The following HEMK2 variants were observed in gnomAD, a reference collection of about 807,000 sequenced individuals.
HEMK2 encodes the protein HemK methyltransferase 2, ETF1 glutamine and histone H4 lysine.
the HEMK2 span, among the ~76,000 whole-genome samples, chr21:28,760,486 C>T: frequency 2.0e-5 from 3 of 152,158 alleles, no homozygotes; most frequent in Admixed American, 6.5e-5. Flanking sequence ...GTACCAAGGA[C>T]ATTAACACTG....
chr21:28,697,301 T>G, the HEMK2 span, among the ~76,000 whole-genome samples: 1 of 152,296 alleles, frequency 6.6e-6, no homozygotes, highest in East Asian at 1.9e-4. Context: ...CTCTCAAGTT[T>G]AAAATTCCAC....
chr21:28,652,095 C>T, the HEMK2 span, among the ~76,000 whole-genome samples: 1 of 152,124 alleles, frequency 6.6e-6, no homozygotes, highest in Non-Finnish European at 1.5e-5. Context: ...TTATTCACAC[C>T]ATATTTTTAG....
chr21:28,779,737 A>G, the HEMK2 span, among the ~76,000 whole-genome samples: 1 of 152,042 alleles, frequency 6.6e-6, no homozygotes, highest in Non-Finnish European at 1.5e-5. Context: ...CCAGTTCTCA[A>G]CTTCTCAAGC....
the HEMK2 span, among the ~76,000 whole-genome samples, chr21:28,661,983 A>G: frequency 4.6e-5 from 7 of 152,224 alleles, no homozygotes; most frequent in Admixed American, 1.3e-4. Flanking sequence ...AGAAAGTACC[A>G]TAAATAATTG....
the HEMK2 span, among the ~76,000 whole-genome samples, chr21:28,629,250 T>C: frequency 6.6e-6 from 1 of 152,202 alleles, no homozygotes; most frequent in Non-Finnish European, 1.5e-5. Context: ...AAAGTCTCAC[T>C]GGTAATTAGA....
chr21:28,647,887 AG>A, the HEMK2 span, among the ~76,000 whole-genome samples: 1 of 152,242 alleles, frequency 6.6e-6, no homozygotes, highest in South Asian at 2.1e-4. Flanking sequence ...TGATTGTAAC[AG>A]AAAGATCAAA....
the HEMK2 span, among the ~76,000 whole-genome samples, chr21:28,766,305 ATTTT>A: frequency 6.7e-6 from 1 of 148,496 alleles, no homozygotes; most frequent in African/African-American, 2.5e-5. Context: ...AAGTATAATG[ATTTT>A]TTTTTTTTAA....
the HEMK2 span, among the ~76,000 whole-genome samples, chr21:28,739,890 G>A: frequency 1.3e-5 from 2 of 152,136 alleles, no homozygotes; most frequent in African/African-American, 4.8e-5. Flanking sequence ...AACATAAGTA[G>A]AAATGGGAAA....
chr21:28,675,059 G>T, the HEMK2 span, among the ~76,000 whole-genome samples: 3 of 152,064 alleles, frequency 2.0e-5, no homozygotes, highest in Admixed American at 6.6e-5. Context: ...GCTACCTAAG[G>T]ACCTACGGGC....
chr21:28,656,310 T>C, the HEMK2 span, among the ~76,000 whole-genome samples: 1 of 151,944 alleles, frequency 6.6e-6, no homozygotes, highest in African/African-American at 2.4e-5. Context: ...TCCAAAAAAG[T>C]ACCACAACCA....
the HEMK2 span, among the ~76,000 whole-genome samples, chr21:28,660,428 C>A: frequency 6.6e-6 from 1 of 151,512 alleles, no homozygotes; most frequent in African/African-American, 2.4e-5. Context: ...TTTGGGGTAA[C>A]TCTTCTTTAT....
chr21:28,883,110 A>G, the HEMK2 span: 1 of 1,406,628 alleles, frequency 7.1e-7, no homozygotes. Flanking sequence ...TAGTAGAATC[A>G]AAATACTCTT....
At chr21:28,716,229 T>A in the HEMK2 span, among the ~76,000 whole-genome samples, 3 of 152,200 alleles carry the variant, frequency 2.0e-5, no homozygotes, top group African/African-American at 7.2e-5. Context: ...TTGGCCAGTA[T>A]GGCTGTTTTA....
chr21:28,866,341 C>T, the HEMK2 span, among the ~76,000 whole-genome samples: 2 of 149,092 alleles, frequency 1.3e-5, no homozygotes, highest in African/African-American at 2.5e-5. Flanking sequence ...CCTAGCTACT[C>T]GGGAGGCTGA....
the HEMK2 span, among the ~76,000 whole-genome samples, chr21:28,804,860 A>G: frequency 5.9e-5 from 9 of 152,228 alleles, no homozygotes; most frequent in Non-Finnish European, 1.2e-4. Context: ...CAATTACACT[A>G]CATACCCTAT....
chr21:28,771,521 C>CCCCCCCCCCCCCCCCCCCCCCCA, the HEMK2 span, among the ~76,000 whole-genome samples: 2 of 131,472 alleles, frequency 1.5e-5, no homozygotes, highest in Non-Finnish European at 1.6e-5. Context: ...ATGCACCACC[C>CCCCCCCCCCCCCCCCCCCCCCCA]CCCCCCGCCA....
the HEMK2 span, among the ~76,000 whole-genome samples, chr21:28,665,226 T>C: frequency 4.0e-5 from 6 of 151,038 alleles, no homozygotes; most frequent in Non-Finnish European, 1.5e-5. Flanking sequence ...GACGTCGCGA[T>C]CTCATCACTG....
At chr21:28,783,672 C>T in the HEMK2 span, among the ~76,000 whole-genome samples, 1 of 152,220 alleles carries the variant, frequency 6.6e-6, no homozygotes, top group Non-Finnish European at 1.5e-5. Flanking sequence ...AGGAGCCCTT[C>T]GGCCCACTGC....
At chr21:28,680,806 G>C in the HEMK2 span, among the ~76,000 whole-genome samples, 3 of 152,108 alleles carry the variant, frequency 2.0e-5, no homozygotes, top group African/African-American at 7.2e-5. Context: ...AAAACCATAC[G>C]ATTATCTCAA....
Sources: gnomAD v4.1 joint callset for allele counts (sites outside exome capture counted in the v4.1 genomes callset) on GRCh38, gnomAD v4.1.1 for gene constraint, MANE v1.5 for transcripts, NCBI Gene and HGNC (gene_info 2026-07-23, HGNC 2026-07-21) for gene names.